FAT4: variants seen among roughly 807,000 people sequenced by gnomAD.
FAT4 encodes protocadherin Fat 4.
A neutral mutation model predicts 303.9 loss-of-function variants in FAT4; 84 were observed. The ratio of observed to expected loss-of-function variants is 0.28; its 90% CI spans 0.23 to 0.33. The LOEUF is 0.33. Ranked by LOEUF, FAT4 falls within the 10% of genes least tolerant of loss-of-function variation. FAT4 has a pLI of 1.00. For synonymous variants in FAT4, 2,307 were observed against 2,298.8 expected, an observed-to-expected ratio of 1.00 and a Z score of -0.10; for missense variants, 6,005 against 6,146.8, an observed-to-expected ratio of 0.98 and a Z score of 0.77.
Position 125,490,715 on chromosome 4 carries a change from G to C in FAT4, c.13899G>C (p.Ser4633=). The part of the protein sequence containing the change: ...DIDNASSIAP[S]DADIIQHYKQ... The stretch of plus-strand genomic sequence containing the variant: ...ACAACGCCAGCAGCATCGCCCCTTC[G>C]GATGCAGACATCATTCAACACTACA... Residue 4633 remains serine (S), a synonymous_variant, in exon 18 of 18, where the codon TCG becomes TCC. Coordinates refer to ENST00000394329, the MANE Select transcript of FAT4 (RefSeq NM_001291303.3). The C allele has an allele frequency of 1.9e-6, 3 of 1,614,038 alleles. No individual in the cohort carries two copies. Among genetic ancestry groups the C allele is most frequent in the Non-Finnish European group, 2.5e-6 (3 of 1,180,004 alleles).
chr4:125,490,269 A>C lies in FAT4; in HGVS notation c.13453A>C (p.Ser4485Arg), dbSNP rs148222832. 1.2e-6 allele frequency: 2 copies of C among 1,613,940 alleles called. No homozygotes were observed. The highest frequency in any genetic ancestry group is 1.7e-6 in the Non-Finnish European group (2 of 1,180,032). Residue 4485 changes from serine (S) to arginine (R), a missense_variant, in exon 18 of 18, where the codon AGT (serine) becomes CGT (arginine). Physicochemically the swap from Ser to Arg is moderately radical, Grantham distance 110 (BLOSUM62 -1). Transcript: ENST00000394329. ...CPQGKVCKAG[S>R]PAGHVCVLSQ... ...TCAGGGGAAGGTGTGCAAAGCTGGA[A>C]GTCCTGCGGGGCATGTCTGTGTTCT...
intron 2 of FAT4, among the ~76,000 whole-genome samples, chr4:125,322,971 G>T (rs1731014439): frequency 6.6e-6 from 1 of 151,862 alleles, no homozygotes; most frequent in Admixed American, 6.6e-5. Flanking sequence ...GAGCTATTTG[G>T]TGTAGCTCAG....
At chr4:125,342,709 A>AT in intron 2 of FAT4, among the ~76,000 whole-genome samples, 1 of 151,260 alleles carries the variant, frequency 6.6e-6, no homozygotes, top group African/African-American at 2.4e-5. Flanking sequence ...ATATGTTTGA[A>AT]TTTTATTTTT....
chr4:125,408,376 T>C, intron 4 of FAT4, 68 bp from the exon 5 acceptor site: 1 of 1,058,348 alleles, frequency 9.4e-7, no homozygotes, highest in Non-Finnish European at 1.4e-6. Flanking sequence ...TTGGTCTCTT[T>C]CTATATGTTC....
rs1241313427 is a variant in FAT4, at chr4:125,314,969, G to A, written c.-1021G>A. ...GGAGTCCAGGCGAACTAAAGTGCGGGGATCAATGAGTGTCGAGCAAAGTTT... is the reference window on the plus strand; with the variant it reads ...GGAGTCCAGGCGAACTAAAGTGCGGAGATCAATGAGTGTCGAGCAAAGTTT... On this transcript the variant is annotated 5_prime_UTR_variant, in exon 1 of 18. Coordinates refer to ENST00000394329, the MANE Select transcript of FAT4 (RefSeq NM_001291303.3). Among the ~76,000 whole-genome samples the A allele has an allele frequency of 1.3e-5, 2 of 152,094 alleles. No individual in the cohort carries two copies. Among genetic ancestry groups the A allele is most frequent in the Non-Finnish European group, 2.9e-5 (2 of 68,006 alleles).
chr4:125,442,607 G>A (rs1047708394), intron 8 of FAT4, among the ~76,000 whole-genome samples: 1 of 151,968 alleles, frequency 6.6e-6, no homozygotes, highest in African/African-American at 2.4e-5. Context: ...AAAAATATTA[G>A]ATAAAATTAT....
chr4:125,401,443 G>C (rs1223784863), intron 3 of FAT4, among the ~76,000 whole-genome samples: 1 of 151,720 alleles, frequency 6.6e-6, no homozygotes, highest in East Asian at 1.9e-4. Context: ...TCCTGGCTCT[G>C]TTTTCTTTCT....
rs1174156237 is a variant in FAT4 at position 125,319,218 on chromosome 4, C to T, written c.2807C>T (p.Pro936Leu). 6.2e-7 allele frequency: 1 copy of T among 1,614,050 alleles called. No homozygotes were observed. Among genetic ancestry groups the T allele is most frequent in the African/African-American group, 1.3e-5 (1 of 74,998 alleles). Residue 936 changes from proline to leucine, a missense_variant, in exon 2 of 18, where the codon CCC becomes CTC. Transcript: ENST00000394329. Reference sequence around the variant, plus strand: ...GTACTCTATAGTCTGAAGCAAAACCCCAAGAACCTGTTTGCTATCAATGAA... The same window carrying T: ...GTACTCTATAGTCTGAAGCAAAACCTCAAGAACCTGTTTGCTATCAATGAA... ...GMVLYSLKQNPKNLFAINEKN... is the reference protein window; with the variant it reads ...GMVLYSLKQNLKNLFAINEKN...
chr4:125,410,424 T>C lies in FAT4; in HGVS notation c.5920+1630T>C, dbSNP rs1578611924. Reference sequence around the variant, plus strand: ...TCTGTGGATTGGCTCCAGTTAGATATCTGTATATAATTGAGGTTAGTCCCT... The same window carrying C: ...TCTGTGGATTGGCTCCAGTTAGATACCTGTATATAATTGAGGTTAGTCCCT... On this transcript the variant is annotated intron_variant, in intron 5 of 17. Coordinates refer to ENST00000394329, the MANE Select transcript of FAT4 (RefSeq NM_001291303.3). Among the ~76,000 whole-genome samples the C allele has an allele frequency of 3.3e-5, 5 of 152,156 alleles. No individual in the cohort carries two copies. In the South Asian group the frequency reaches 8.3e-4, roughly 25 times the overall value.
intron 2 of FAT4, among the ~76,000 whole-genome samples, chr4:125,334,428 T>C (rs1038380778): frequency 1.3e-5 from 2 of 152,112 alleles, no homozygotes; most frequent in African/African-American, 4.8e-5. Flanking sequence ...AACCTTTCTT[T>C]TTTCATGACA....
At chr4:125,390,297 A>C (rs1257870096) in intron 2 of FAT4, among the ~76,000 whole-genome samples, 1 of 152,078 alleles carries the variant, frequency 6.6e-6, no homozygotes, top group Non-Finnish European at 1.5e-5. Context: ...GGTCATACTG[A>C]GTTGTCTCCC....
chr4:125,437,389 A>C (rs955001059), intron 8 of FAT4, among the ~76,000 whole-genome samples: 2 of 152,344 alleles, frequency 1.3e-5, no homozygotes, highest in Admixed American at 1.3e-4. Flanking sequence ...GAGGAAATGC[A>C]GGACAGAATG....
At chr4:125,421,446 A>C (rs558034174) in intron 7 of FAT4, among the ~76,000 whole-genome samples, 1 of 152,202 alleles carries the variant, frequency 6.6e-6, no homozygotes, top group African/African-American at 2.4e-5. Flanking sequence ...ATTCCAACAG[A>C]TATATACTTA....
Position 125,318,125 on chromosome 4 carries a change from C to T in FAT4, c.1714C>T (p.Leu572Phe). The T allele has an allele frequency of 3.1e-6, 5 of 1,614,114 alleles. No individual in the cohort carries two copies. Among genetic ancestry groups the T allele is most frequent in the Non-Finnish European group, 3.4e-6 (4 of 1,180,036 alleles). The change falls in exon 2 of 18, where the codon CTC becomes TTC. Residue 572 changes from leucine to phenylalanine, a missense_variant. Physicochemically the swap from Leu to Phe is conservative, Grantham distance 22 (BLOSUM62 0). Coordinates refer to ENST00000394329, the MANE Select transcript of FAT4 (RefSeq NM_001291303.3). ...GTCCTATGCCCAGCTTGTAGTAACT[C>T]TCCTAGATGTGAATGATGAAAAGCC... ...KVSYAQLVVTLLDVNDEKPVF... is the reference protein window; with the variant it reads ...KVSYAQLVVTFLDVNDEKPVF...
chr4:125,417,322 G>A (rs757591769), intron 7 of FAT4, among the ~76,000 whole-genome samples: 6 of 152,062 alleles, frequency 3.9e-5, no homozygotes, highest in Admixed American at 2.0e-4. Context: ...AGTCTGTTAG[G>A]AGGAGCTTTC....
intron 8 of FAT4, among the ~76,000 whole-genome samples, chr4:125,435,967 A>T (rs1397096086): frequency 6.6e-6 from 1 of 150,744 alleles, no homozygotes; most frequent in African/African-American, 2.4e-5. Context: ...AAAATTGAGT[A>T]AATAGATTTG....
Position 125,448,949 on chromosome 4 carries a change from G to T in FAT4, c.7939G>T (p.Gly2647Cys), listed in dbSNP as rs372616868. 1 of 1,613,690 alleles carries T rather than the reference G, an allele frequency of 6.2e-7. No individual in the cohort carries two copies. The highest frequency in any genetic ancestry group is 8.5e-7 in the Non-Finnish European group (1 of 1,179,900). The change falls in exon 10 of 18, where the codon GGT becomes TGT. Residue 2647 changes from glycine (G) to cysteine (C), a missense_variant. Gly to Cys is a radical substitution (Grantham distance 159, BLOSUM62 -3). Coordinates refer to ENST00000394329, the MANE Select transcript of FAT4 (RefSeq NM_001291303.3). ...TGTATGGATAGAGGCCAGAGACGGT[G>T]GTTTCCCTCCTTTCTCCTCTTACGA... ...YVVWIEARDG[G>C]FPPFSSYEKL...
intron 2 of FAT4, among the ~76,000 whole-genome samples, chr4:125,349,457 G>C (rs547812836): frequency 6.6e-6 from 1 of 151,682 alleles, no homozygotes; most frequent in South Asian, 2.1e-4. Context: ...ATCAGAGTTG[G>C]TAGTTTTTGC....
rs1225418855 is a variant in FAT4, at chr4:125,320,166, G to C, written c.3755G>C (p.Gly1252Ala). The change falls in exon 2 of 18, where the codon GGA becomes GCA. Residue 1252 changes from glycine (G) to alanine (A), a missense_variant. Coordinates refer to ENST00000394329, the MANE Select transcript of FAT4 (RefSeq NM_001291303.3). ...CTTATTCACTATTCTATAATAAAAG[G>C]AAATGAAGAAAGACAGTTTGCTATA... ...NGLIHYSIIK[G>A]NEERQFAIDS... is the part of the protein sequence containing the mutation. 6.2e-7 allele frequency: 1 copy of C among 1,613,918 alleles called. No homozygotes were observed. Among genetic ancestry groups the C allele is most frequent in the Admixed American group, 1.7e-5 (1 of 60,012 alleles).
Sources: gnomAD v4.1 joint callset for allele counts (sites outside exome capture counted in the v4.1 genomes callset) on GRCh38, gnomAD v4.1.1 for gene constraint, MANE v1.5 for transcripts, NCBI Gene and HGNC (gene_info 2026-07-23, HGNC 2026-07-21) for gene names.